GRIK2: variants seen among roughly 807,000 people sequenced by gnomAD.
GRIK2 encodes glutamate ionotropic receptor kainate type subunit 2.
Under a neutral mutation model 100.3 loss-of-function variants are expected in GRIK2, and 32 were observed. The ratio of observed to expected loss-of-function variants is 0.32; its 90% CI spans 0.24 to 0.43. The LOEUF (loss-of-function observed/expected upper bound fraction) is 0.43. Ranked by LOEUF, GRIK2 falls within the 20% of genes least tolerant of loss-of-function variation. The pLI is 1.00. For synonymous variants in GRIK2, 417 were observed against 389.4 expected (o/e 1.07, Z -0.83); for missense variants, 843 against 1,114.9 (o/e 0.76, Z 3.47).
At chr6:101,524,778 C>A (rs1438906885) in intron 2 of GRIK2, among the ~76,000 whole-genome samples, 1 of 148,830 alleles carries the variant, frequency 6.7e-6, no homozygotes, top group Non-Finnish European at 1.5e-5. Context: ...GTTGCCCAGG[C>A]TGGAGTGCAA....
At chr6:101,855,289 A>G (rs563478904) in intron 10 of GRIK2, among the ~76,000 whole-genome samples, 1 of 152,314 alleles carries the variant, frequency 6.6e-6, no homozygotes, top group South Asian at 2.1e-4. Flanking sequence ...CTCTATACTC[A>G]TGGGTTTATG....
intron 10 of GRIK2, among the ~76,000 whole-genome samples, chr6:101,820,383 C>G (rs531108771): frequency 6.6e-6 from 1 of 152,274 alleles, no homozygotes; most frequent in African/African-American, 2.4e-5. Context: ...TCTTCCTGAT[C>G]TAGCCAAATT....
At chr6:101,432,603 A>G (rs1343197386) in intron 2 of GRIK2, among the ~76,000 whole-genome samples, 1 of 152,158 alleles carries the variant, frequency 6.6e-6, no homozygotes, top group Non-Finnish European at 1.5e-5. Flanking sequence ...GTGATATTTA[A>G]ATACAAATGT....
intron 4 of GRIK2, among the ~76,000 whole-genome samples, chr6:101,636,527 G>A (rs1015179153): frequency 1.5e-4 from 23 of 151,960 alleles, no homozygotes; most frequent in Non-Finnish European, 3.4e-4. Context: ...ATTATTTCTT[G>A]GGTTCTGATT....
intron 10 of GRIK2, among the ~76,000 whole-genome samples, chr6:101,849,446 A>G (rs1220071784): frequency 6.6e-6 from 1 of 152,024 alleles, no homozygotes; most frequent in East Asian, 1.9e-4. Context: ...TTAAGGTGTA[A>G]GTCTGATAGT....
At position 101,922,365 on chromosome 6, in the gene GRIK2, C is replaced by T. The variant is rs141492051; in HGVS notation, c.1749-2236C>T. On this transcript the variant is annotated intron_variant, in intron 12 of 16. Coordinates refer to ENST00000369134, the MANE Select transcript of GRIK2 (RefSeq NM_021956.5). ...CTATGAAAAAACTAGTGATCTCAGT[C>T]AAACAAATTACACAGTCTCACTATC... 6.1e-3 allele frequency among the ~76,000 whole-genome samples: 931 copies of T among 152,164 alleles called. 11 individuals are homozygous for T. The highest frequency in any genetic ancestry group is 0.021 in the African/African-American group (877 of 41,526).
intron 16 of GRIK2, among the ~76,000 whole-genome samples, chr6:102,057,359 G>A (rs1771515174): frequency 6.6e-6 from 1 of 151,814 alleles, no homozygotes; most frequent in Admixed American, 6.6e-5. Flanking sequence ...GTGCAGTTTT[G>A]TTTTACAAGT....
intron 2 of GRIK2, among the ~76,000 whole-genome samples, chr6:101,467,705 C>T (rs556752111): frequency 2.0e-5 from 3 of 152,254 alleles, no homozygotes; most frequent in African/African-American, 7.2e-5. Flanking sequence ...TGTCTATCTA[C>T]TCTATTCCCA....
intron 12 of GRIK2, among the ~76,000 whole-genome samples, chr6:101,900,426 G>A (rs1033879989): frequency 3.4e-4 from 51 of 152,068 alleles, no homozygotes; most frequent in African/African-American, 1.2e-3. Flanking sequence ...ATCGTGAGCC[G>A]AGATCGCGCC....
intron 2 of GRIK2, among the ~76,000 whole-genome samples, chr6:101,617,149 T>C (rs1779927827): frequency 6.6e-6 from 1 of 151,726 alleles, no homozygotes; most frequent in African/African-American, 2.4e-5. Flanking sequence ...TTCATACAAT[T>C]GTTTTTTAAA....
At chr6:101,852,884 A>G (rs1227630950) in intron 10 of GRIK2, among the ~76,000 whole-genome samples, 1 of 152,190 alleles carries the variant, frequency 6.6e-6, no homozygotes, top group Non-Finnish European at 1.5e-5. Flanking sequence ...GCAAAAGGGT[A>G]TGATAACCTC....
intron 2 of GRIK2, among the ~76,000 whole-genome samples, chr6:101,519,858 T>A (rs1483060603): frequency 6.6e-6 from 1 of 152,178 alleles, no homozygotes; most frequent in Non-Finnish European, 1.5e-5. Context: ...AATTTTATGG[T>A]TTCCAACATG....
intron 14 of GRIK2, among the ~76,000 whole-genome samples, chr6:101,999,486 T>C (rs986553475): frequency 2.0e-5 from 3 of 152,150 alleles, no homozygotes; most frequent in African/African-American, 7.2e-5. Flanking sequence ...TTTGATGCTA[T>C]TGTAAATGGT....
chr6:101,944,617 AAT>A, intron 14 of GRIK2, among the ~76,000 whole-genome samples: 1 of 152,340 alleles, frequency 6.6e-6, no homozygotes, highest in Non-Finnish European at 1.5e-5. Context: ...AGATAAAAAT[AAT>A]AGTTTGTTTT....
At chr6:101,614,675 G>A (rs1779817530) in intron 2 of GRIK2, among the ~76,000 whole-genome samples, 1 of 151,696 alleles carries the variant, frequency 6.6e-6, no homozygotes, top group Non-Finnish European at 1.5e-5. Flanking sequence ...TTTTGCAATT[G>A]TTTAGACAGG....
At chr6:101,572,143 CT>C (rs1266221328) in intron 2 of GRIK2, among the ~76,000 whole-genome samples, 2 of 151,928 alleles carry the variant, frequency 1.3e-5, no homozygotes, top group Non-Finnish European at 2.9e-5. Context: ...AAAAAAGTTG[CT>C]TTTTTATTTT....
chr6:101,533,398 T>C (rs1775536787), intron 2 of GRIK2, among the ~76,000 whole-genome samples: 1 of 134,448 alleles, frequency 7.4e-6, no homozygotes, highest in South Asian at 2.3e-4. Flanking sequence ...AAAAAAAGCA[T>C]TGATGTATAT....
In GRIK2 at chr6:101,775,883, G is replaced by A. The variant is rs145865442; in HGVS notation, c.952-23765G>A. Among the ~76,000 whole-genome samples the A allele has an allele frequency of 3.9e-3, 595 of 151,926 alleles. 6 individuals are homozygous for A. The highest frequency in any genetic ancestry group is 0.013 in the African/African-American group (527 of 41,454). On this transcript the variant is annotated intron_variant, in intron 7 of 16. Coordinates refer to ENST00000369134, the MANE Select transcript of GRIK2 (RefSeq NM_021956.5). The stretch of plus-strand genomic sequence containing the variant: ...TTGCCACCCAGGCTGGAGTGCAGTG[G>A]CACTATCTTGGCTCACTAAAAATTC...
At position 101,641,196 on chromosome 6, in the gene GRIK2, A is replaced by G. The variant is rs563069313; in HGVS notation, c.541+14559A>G. 1.2e-4 allele frequency among the ~76,000 whole-genome samples: 18 copies of G among 152,232 alleles called. No homozygotes were observed. The East Asian group carries it at 3.5e-3, about 29-fold the overall frequency. On this transcript the variant is annotated intron_variant, in intron 4 of 16. Transcript: ENST00000369134. ...GAATGTTTTATAATATCCATTTCATATAAATTTAAAAATAGTTTTACTTTT... is the reference window on the plus strand; with the variant it reads ...GAATGTTTTATAATATCCATTTCATGTAAATTTAAAAATAGTTTTACTTTT...
Sources: allele counts gnomAD v4.1 joint callset (sites outside exome capture counted in the v4.1 genomes callset), GRCh38; gene constraint gnomAD v4.1.1; transcripts MANE v1.5; gene names NCBI Gene and HGNC (gene_info 2026-07-23, HGNC 2026-07-21).